The following CGNL1 variants were observed in gnomAD, a reference collection of about 807,000 sequenced individuals.
The protein encoded by CGNL1 is cingulin-like protein 1.
CGNL1 carries 132 observed loss-of-function variants against 141.2 expected under a neutral mutation model. The observed-to-expected ratio is 0.93, with a 90% CI of 0.81 to 1.08. The LOEUF (loss-of-function observed/expected upper bound fraction) is 1.08. Ranked by LOEUF, CGNL1 falls within the 50% of genes least tolerant of loss-of-function variation. CGNL1 has a pLI of 0.00. For synonymous variants in CGNL1, 690 were observed against 622.1 expected (o/e 1.11, Z -1.63); for missense variants, 1,870 against 1,588.6 (o/e 1.18, Z -3.01).
chr15:57,520,226 G>A (rs913796830), intron 10 of CGNL1, among the ~76,000 whole-genome samples: 2 of 152,286 alleles, frequency 1.3e-5, no homozygotes, highest in African/African-American at 2.4e-5. Flanking sequence ...CATGAAAAAA[G>A]CACCATCGCT....
intron 8 of CGNL1, among the ~76,000 whole-genome samples, chr15:57,504,992 C>A (rs1298562766): frequency 6.6e-6 from 1 of 152,170 alleles, no homozygotes; most frequent in African/African-American, 2.4e-5. Context: ...CTTGGTTACT[C>A]CATCCCTCCC....
intron 1 of CGNL1, among the ~76,000 whole-genome samples, chr15:57,389,050 A>G (rs1334756501): frequency 6.6e-6 from 1 of 152,090 alleles, no homozygotes; most frequent in Non-Finnish European, 1.5e-5. Context: ...TTTAAATTTA[A>G]ATTTTGGGCA....
chr15:57,477,431 G>A (rs1408399160), intron 8 of CGNL1: 1 of 152,184 alleles, frequency 6.6e-6, no homozygotes, highest in Non-Finnish European at 1.5e-5. Flanking sequence ...AAGAACCAAG[G>A]CATTAGTAAA....
chr15:57,459,244 C>T (rs1330462547), intron 7 of CGNL1, among the ~76,000 whole-genome samples: 1 of 152,164 alleles, frequency 6.6e-6, no homozygotes, highest in African/African-American at 2.4e-5. Flanking sequence ...TGCTGTACTG[C>T]ACTTGTTTAT....
At chr15:57,413,242 C>CCTCT (rs2062812835) in intron 1 of CGNL1, among the ~76,000 whole-genome samples, 1 of 146,116 alleles carries the variant, frequency 6.8e-6, no homozygotes, top group Admixed American at 6.8e-5. Context: ...TCCCTCCCTC[C>CCTCT]CTTCTTCCCT....
chr15:57,479,342 C>T (rs1169597193), intron 8 of CGNL1, among the ~76,000 whole-genome samples: 2 of 152,066 alleles, frequency 1.3e-5, no homozygotes, highest in South Asian at 2.1e-4. Flanking sequence ...CTGACTAGTG[C>T]CCAGCAATAG....
chr15:57,454,682 T>A (rs1280410), intron 7 of CGNL1, among the ~76,000 whole-genome samples: 1 of 151,888 alleles, frequency 6.6e-6, no homozygotes, highest in South Asian at 2.1e-4. Context: ...CCATCTCTCT[T>A]TCCCTATTCA....
chr15:57,548,991 C>T lies in CGNL1; in HGVS notation c.*1501C>T, dbSNP rs926513790. On this transcript the variant is annotated 3_prime_UTR_variant, in exon 19 of 19. Transcript: ENST00000281282. Reference sequence around the variant, plus strand: ...GAAAGAAACAGAAGTCAGGCAGAGGCGTGTCTGTGCAAACTGGAGGACTCC... The same window carrying T: ...GAAAGAAACAGAAGTCAGGCAGAGGTGTGTCTGTGCAAACTGGAGGACTCC... 5 of 152,410 alleles carry T rather than the reference C, an allele frequency of 3.3e-5. No individual in the cohort carries two copies. The highest frequency in any genetic ancestry group is 7.3e-5 in the Non-Finnish European group (5 of 68,208). 9.4% of individuals were successfully genotyped at this position (152,410 alleles called of 1,614,324 possible).
intron 8 of CGNL1, among the ~76,000 whole-genome samples, chr15:57,512,151 C>A (rs2030366197): frequency 6.6e-6 from 1 of 152,146 alleles, no homozygotes; most frequent in African/African-American, 2.4e-5. Context: ...ATACATAGAT[C>A]CAAGCATCAG....
chr15:57,417,965 A>T (rs1460264932), intron 1 of CGNL1, among the ~76,000 whole-genome samples: 1 of 152,050 alleles, frequency 6.6e-6, no homozygotes, highest in Non-Finnish European at 1.5e-5. Context: ...GACAGCATTG[A>T]CTTTGCATAC....
chr15:57,471,415 G>C lies in CGNL1; in HGVS notation c.2403+9523G>C, dbSNP rs149692736. Among the ~76,000 whole-genome samples the C allele has an allele frequency of 2.0e-5, 3 of 152,340 alleles. No individual in the cohort carries two copies. The East Asian group carries it at 5.8e-4, about 29-fold the overall frequency. Reference sequence around the variant, plus strand: ...TAATGACCCTACCTTGGTGCTTCATGAACATGTTTAAGCAGGCTGGCATTT... The same window carrying C: ...TAATGACCCTACCTTGGTGCTTCATCAACATGTTTAAGCAGGCTGGCATTT... On this transcript the variant is annotated intron_variant, in intron 8 of 18. Transcript: ENST00000281282.
chr15:57,417,850 G>C (rs1360966965), intron 1 of CGNL1, among the ~76,000 whole-genome samples: 1 of 152,174 alleles, frequency 6.6e-6, no homozygotes, highest in African/African-American at 2.4e-5. Context: ...AGAGGTGATG[G>C]GAAAGGGTCT....
At chr15:57,448,751 G>T (rs1289434032) in intron 4 of CGNL1, among the ~76,000 whole-genome samples, 1 of 151,804 alleles carries the variant, frequency 6.6e-6, no homozygotes, top group East Asian at 1.9e-4. Context: ...TAACATCTGG[G>T]TCATCTCTAT....
chr15:57,504,956 A>C (rs573759250), intron 8 of CGNL1, among the ~76,000 whole-genome samples: 1 of 152,232 alleles, frequency 6.6e-6, no homozygotes, highest in Non-Finnish European at 1.5e-5. Context: ...GCCCTAGAGC[A>C]GTCCTGGGGA....
chr15:57,517,940 G>T lies in CGNL1; in HGVS notation c.2611-453G>T, dbSNP rs1000053863. ...CTTTTATAAAACTGTGTGTGTGGGG[G>T]TCCATTCAATACCTACTGTTTTCAG... On this transcript the variant is annotated intron_variant, in intron 9 of 18. Transcript: ENST00000281282. Among the ~76,000 whole-genome samples, 21 of 151,444 alleles carry T rather than the reference G, an allele frequency of 1.4e-4. 1 individual carries two copies. The highest frequency in any genetic ancestry group is 3.1e-4 in the Non-Finnish European group (21 of 67,872).
At chr15:57,403,094 A>T (rs2062677802) in intron 1 of CGNL1, among the ~76,000 whole-genome samples, 1 of 152,198 alleles carries the variant, frequency 6.6e-6, no homozygotes, top group Non-Finnish European at 1.5e-5. Flanking sequence ...TACTTTCCAC[A>T]ATGCTTGCCA....
At chr15:57,485,857 T>G (rs534409755) in intron 8 of CGNL1, among the ~76,000 whole-genome samples, 1 of 152,308 alleles carries the variant, frequency 6.6e-6, no homozygotes, top group Non-Finnish European at 1.5e-5. Flanking sequence ...GCAGCACAGC[T>G]CTCCAGATGC....
intron 8 of CGNL1, among the ~76,000 whole-genome samples, chr15:57,488,234 T>C (rs1262995802): frequency 6.6e-6 from 1 of 152,018 alleles, no homozygotes; most frequent in Non-Finnish European, 1.5e-5. Context: ...TCTCTGCCTA[T>C]TTTAAAATTG....
At chr15:57,432,918 A>G (rs1374132078) in intron 1 of CGNL1, among the ~76,000 whole-genome samples, 1 of 152,168 alleles carries the variant, frequency 6.6e-6, no homozygotes, top group Non-Finnish European at 1.5e-5. Flanking sequence ...GCTTTATTCA[A>G]AGATTGAAAT....
Sources: allele counts gnomAD v4.1 joint callset (sites outside exome capture counted in the v4.1 genomes callset), GRCh38; gene constraint gnomAD v4.1.1; transcripts MANE v1.5; gene names NCBI Gene and HGNC (gene_info 2026-07-23, HGNC 2026-07-21).